ARHGAP21: variants seen among roughly 807,000 people sequenced by gnomAD.
ARHGAP21 encodes rho GTPase-activating protein 21.
Under a neutral mutation model 164.6 loss-of-function variants are expected in ARHGAP21, and 38 were observed. The observed-to-expected ratio is 0.23, with a 90% CI of 0.18 to 0.30. ARHGAP21 has a LOEUF of 0.30. ARHGAP21 is among the 10% of genes least tolerant of loss of function. The pLI is 1.00. For missense variants in ARHGAP21, 1,822 were observed against 2,370.7 expected, an observed-to-expected ratio of 0.77 and a Z score of 4.81; for synonymous variants, 766 against 857.9, an observed-to-expected ratio of 0.89 and a Z score of 1.87.
chr10:24,646,874 A>T (rs1837622166), intron 4 of ARHGAP21, among the ~76,000 whole-genome samples: 1 of 152,264 alleles, frequency 6.6e-6, no homozygotes, highest in African/African-American at 2.4e-5. Flanking sequence ...TTAAAAATTA[A>T]TTTAGAAAAA....
chr10:24,621,140 G>A lies in ARHGAP21; in HGVS notation c.755C>T (p.Pro252Leu), dbSNP rs1554974101. ...RAYRMEIQVP[P>L]SPTDVAKSNT... ...TGATTTTGCAACATCTGTTGGTGATGGAGGCACTTGTATTTCCATTCTATA... is the reference window on the plus strand; with the variant it reads ...TGATTTTGCAACATCTGTTGGTGATAGAGGCACTTGTATTTCCATTCTATA... The change falls in exon 9 of 26, where the codon CCA becomes CTA. Residue 252 changes from proline (P) to leucine (L), a missense_variant. Physicochemically the swap from Pro to Leu is moderately conservative, Grantham distance 98. Transcript: ENST00000396432. 6.2e-7 allele frequency: 1 copy of A among 1,613,478 alleles called. No individual in the cohort carries two copies. Among genetic ancestry groups the A allele is most frequent in the Non-Finnish European group, 8.5e-7 (1 of 1,179,458 alleles).
intron 3 of ARHGAP21, among the ~76,000 whole-genome samples, chr10:24,669,577 A>G (rs1343581135): frequency 6.6e-6 from 1 of 152,192 alleles, no homozygotes; most frequent in African/African-American, 2.4e-5. Flanking sequence ...CATCTGTTAT[A>G]TGGGGCTAAT....
chr10:24,621,353 G>C lies in ARHGAP21; in HGVS notation c.542C>G (p.Ala181Gly), dbSNP rs771388166. 2 of 1,601,954 alleles carry C rather than the reference G, an allele frequency of 1.2e-6. No homozygotes were observed. Among genetic ancestry groups the C allele is most frequent in the East Asian group, 4.5e-5 (2 of 44,668 alleles). Residue 181 changes from alanine (A) to glycine (G), a missense_variant, in exon 9 of 26, where the codon GCC becomes GGC. By Grantham distance (60) the Ala-to-Gly change is moderately conservative. Transcript: ENST00000396432. ...DVTALAYSQD[A>G]YLKGNEAYSG... ...ATAAGCTTCGTTGCCTTTCAGGTAG[G>C]CATCTTGAGAATATGCCTGTATAGA...
At position 24,691,051 on chromosome 10, in the gene ARHGAP21, T is replaced by C. The variant is rs550259811; in HGVS notation, c.64-20654A>G. ...TTAACAGGAATGTCTTAAAATATAGTAGCAGAACTCAAAGCAAAATCCCTG... is the reference window on the plus strand; with the variant it reads ...TTAACAGGAATGTCTTAAAATATAGCAGCAGAACTCAAAGCAAAATCCCTG... On this transcript the variant is annotated intron_variant, in intron 2 of 25. Transcript: ENST00000396432. 4.6e-5 allele frequency among the ~76,000 whole-genome samples: 7 copies of C among 152,146 alleles called. No individual in the cohort carries two copies. In the South Asian group the frequency reaches 1.2e-3, roughly 27 times the overall value.
chr10:24,717,507 T>C (rs1021878181), intron 2 of ARHGAP21, among the ~76,000 whole-genome samples: 4 of 151,990 alleles, frequency 2.6e-5, no homozygotes, highest in African/African-American at 9.7e-5. Context: ...AAGGCTTTCC[T>C]GAGGAAGCAG....
At position 24,621,074 on chromosome 10, in the gene ARHGAP21, A is replaced by G; in HGVS notation, c.821T>C (p.Val274Ala). The change falls in exon 9 of 26, where the codon GTC (valine) becomes GCC (alanine). Residue 274 changes from valine (V) to alanine (A), a missense_variant. Val to Ala is a moderately conservative substitution (Grantham distance 64). Around this residue, in one of 5 missense-constraint regions of ARHGAP21, gnomAD observed 1,090 missense variants for 1,378.9 expected, o/e 0.79. Coordinates refer to ENST00000396432, the MANE Select transcript of ARHGAP21 (RefSeq NM_020824.4). ...TACAACCTTCTCAGAAGGCACAATG[A>G]CAGTCCTTACACTTTCATTGCAAAC... ...VCVCNESVRT[V>A]IVPSEKVVDL... 6.2e-7 allele frequency: 1 copy of G among 1,613,958 alleles called. No individual in the cohort carries two copies. Among genetic ancestry groups the G allele is most frequent in the Non-Finnish European group, 8.5e-7 (1 of 1,179,852 alleles).
At chr10:24,648,863 G>C (rs1284606879) in intron 4 of ARHGAP21, 3 of 984,578 alleles carry the variant, frequency 3.0e-6, no homozygotes, top group Non-Finnish European at 3.6e-6. Context: ...AGGCTCCCAA[G>C]TGTTTTAATC....
At chr10:24,631,237 G>A (rs1361557199) in intron 6 of ARHGAP21, among the ~76,000 whole-genome samples, 1 of 152,176 alleles carries the variant, frequency 6.6e-6, no homozygotes, top group Non-Finnish European at 1.5e-5. Context: ...GGTGGCAGGT[G>A]CCTGTAATCC....
At chr10:24,596,654 T>G (rs927690760) in intron 17 of ARHGAP21, 86 bp downstream of exon 17, 70 of 1,558,940 alleles carry the variant, frequency 4.5e-5, no homozygotes, top group Non-Finnish European at 5.8e-5. Flanking sequence ...CAGTCTCTGT[T>G]GTCTGAAAGG....
intron 21 of ARHGAP21, 144 bp from the exon 22 acceptor site, chr10:24,592,156 ATTTTTTTTT>A (rs57846258): frequency 2.2e-4 from 46 of 213,704 alleles, no homozygotes; most frequent in South Asian, 1.1e-3. Flanking sequence ...TTCTAGCAAG[ATTTTTTTTT>A]TTTTTTTTTT....
At chr10:24,658,631 G>C (rs1172388976) in intron 4 of ARHGAP21, among the ~76,000 whole-genome samples, 2 of 152,110 alleles carry the variant, frequency 1.3e-5, no homozygotes, top group Non-Finnish European at 2.9e-5. Context: ...TGAACAATGA[G>C]AACACCTGTA....
rs1191632818 is a variant in ARHGAP21, at chr10:24,630,067, T to C, written c.441-17A>G. 1.4e-6 allele frequency: 2 copies of C among 1,452,928 alleles called. No homozygotes were observed. The highest frequency in any genetic ancestry group is 2.3e-5 in the East Asian group (1 of 43,742). The allele number at this position is 1,452,928 out of a possible 1,614,324, so 90.0% of individuals were successfully genotyped here. On this transcript the variant is annotated splice_polypyrimidine_tract_variant and intron_variant, in intron 6 of 25. Coordinates refer to ENST00000396432, the MANE Select transcript of ARHGAP21 (RefSeq NM_020824.4). ...GTTGTATCACTGAAATTGAATTATA[T>C]ACTATTTTAGGAGAGGTAGAAGTGT...
chr10:24,697,838 C>T (rs879388454), intron 2 of ARHGAP21, among the ~76,000 whole-genome samples: 28 of 150,612 alleles, frequency 1.9e-4, no homozygotes, highest in Non-Finnish European at 2.9e-4. Context: ...CCAGCCTGGG[C>T]GACAAGAGCG....
chr10:24,612,241 C>T (rs1411036449), intron 9 of ARHGAP21, among the ~76,000 whole-genome samples: 1 of 152,022 alleles, frequency 6.6e-6, no homozygotes, highest in African/African-American at 2.4e-5. Flanking sequence ...CTAACCCCTC[C>T]CCAAATTACA....
At chr10:24,588,335 C>T (rs771417381) in intron 25 of ARHGAP21, among the ~76,000 whole-genome samples, 1 of 110,274 alleles carries the variant, frequency 9.1e-6, no homozygotes, top group Non-Finnish European at 2.3e-5. Flanking sequence ...TGTGAATTTA[C>T]AATTGATGAA....
intron 9 of ARHGAP21, among the ~76,000 whole-genome samples, chr10:24,618,254 C>T (rs1834185268): frequency 6.6e-6 from 1 of 152,178 alleles, no homozygotes; most frequent in Non-Finnish European, 1.5e-5. Flanking sequence ...ATTATCTCAA[C>T]AAATACTTAC....
intron 2 of ARHGAP21, among the ~76,000 whole-genome samples, chr10:24,699,745 C>G (rs1207209401): frequency 6.6e-6 from 1 of 152,186 alleles, no homozygotes; most frequent in Non-Finnish European, 1.5e-5. Flanking sequence ...CTGCTCTGCA[C>G]CTTCTTAGCT....
At position 24,715,767 on chromosome 10, in the gene ARHGAP21, G is replaced by A. The variant is rs151049445; in HGVS notation, c.63+6070C>T. 1.5e-3 allele frequency among the ~76,000 whole-genome samples: 231 copies of A among 152,298 alleles called. 5 individuals carry two copies. The East Asian group carries it at 0.038, about 25-fold the overall frequency. ...TCACACCTGTAATTCCAGCACTTTG[G>A]GAGGATGAGGTGGGTGGATCACTTT... On this transcript the variant is annotated intron_variant, in intron 2 of 25. Coordinates refer to ENST00000396432, the MANE Select transcript of ARHGAP21 (RefSeq NM_020824.4).
chr10:24,610,037 G>A (rs1287117310), intron 9 of ARHGAP21, among the ~76,000 whole-genome samples: 2 of 152,154 alleles, frequency 1.3e-5, no homozygotes, highest in East Asian at 3.8e-4. Flanking sequence ...TTTATTAAGT[G>A]GCATAAACAT....
Sources: allele counts gnomAD v4.1 joint callset (sites outside exome capture counted in the v4.1 genomes callset), GRCh38; gene constraint gnomAD v4.1.1; regional missense constraint gnomAD v4.1.1; transcripts MANE v1.5; gene names NCBI Gene and HGNC (gene_info 2026-07-23, HGNC 2026-07-21).